MAF: variants seen among roughly 807,000 people sequenced by gnomAD.
The protein encoded by MAF is transcription factor Maf.
A neutral mutation model predicts 22.0 loss-of-function variants in MAF; 10 were observed. The ratio of observed to expected loss-of-function variants is 0.45; its 90% CI spans 0.28 to 0.77. The LOEUF is 0.77. Among genes scored for constraint, MAF ranks in the 30% least tolerant of loss-of-function variants. MAF has a pLI of 0.12. For missense variants in MAF, 544 were observed against 548.4 expected (o/e 0.99, Z 0.08); for synonymous variants, 337 against 255.8 (o/e 1.32, Z -3.03).
At chr16:79,430,794 T>C in the MAF span, among the ~76,000 whole-genome samples, 28 of 152,320 alleles carry the variant, frequency 1.8e-4, no homozygotes, top group African/African-American at 7.2e-5. Context: ...CTGTCTGCCT[T>C]TTACACGCAT....
At chr16:79,235,238 G>C in the MAF span, among the ~76,000 whole-genome samples, 5 of 152,068 alleles carry the variant, frequency 3.3e-5, no homozygotes, top group East Asian at 9.7e-4. Context: ...CATTTCACTT[G>C]CTGTAGAGGA....
chr16:79,242,390 A>T, the MAF span, among the ~76,000 whole-genome samples: 1 of 151,816 alleles, frequency 6.6e-6, no homozygotes, highest in Non-Finnish European at 1.5e-5. Context: ...AAAAAAAAGC[A>T]GGGGTTGCAA....
At chr16:79,399,619 G>C in the MAF span, among the ~76,000 whole-genome samples, 9 of 152,148 alleles carry the variant, frequency 5.9e-5, no homozygotes, top group Non-Finnish European at 1.3e-4. Context: ...CCAGGGAGGG[G>C]TGTTTTTGAG....
chr16:79,420,940 A>G, the MAF span, among the ~76,000 whole-genome samples: 1 of 152,082 alleles, frequency 6.6e-6, no homozygotes, highest in African/African-American at 2.4e-5. Context: ...AGGCTGAGAC[A>G]GGAGAATCGC....
At chr16:79,223,432 C>G in the MAF span, among the ~76,000 whole-genome samples, 1 of 152,134 alleles carries the variant, frequency 6.6e-6, no homozygotes, top group African/African-American at 2.4e-5. Context: ...AATCGACACT[C>G]TAACATCACA....
chr16:79,557,674 C>T, the MAF span, among the ~76,000 whole-genome samples: 272 of 152,172 alleles, frequency 1.8e-3, 3 homozygotes, highest in African/African-American at 5.9e-3. Context: ...CATACCTAAA[C>T]ATGATTAACC....
At chr16:79,326,240 A>G in the MAF span, among the ~76,000 whole-genome samples, 1 of 152,208 alleles carries the variant, frequency 6.6e-6, no homozygotes, top group Non-Finnish European at 1.5e-5. Context: ...TAATAACAGT[A>G]TCAACCTCAT....
At chr16:79,579,736 T>C in the MAF span, among the ~76,000 whole-genome samples, 1 of 152,162 alleles carries the variant, frequency 6.6e-6, no homozygotes, top group Non-Finnish European at 1.5e-5. Flanking sequence ...CACAATGAAA[T>C]CACACACTAG....
At chr16:79,368,675 C>A in the MAF span, among the ~76,000 whole-genome samples, 1 of 152,180 alleles carries the variant, frequency 6.6e-6, no homozygotes, top group Non-Finnish European at 1.5e-5. Flanking sequence ...GTCTCCTTCA[C>A]TCTGCTCACT....
the MAF span, among the ~76,000 whole-genome samples, chr16:79,525,761 A>T: frequency 9.2e-5 from 14 of 152,280 alleles, no homozygotes; most frequent in South Asian, 2.7e-3. Flanking sequence ...TTCTAGGAAA[A>T]TTTAACGTAT....
chr16:79,277,674 T>C, the MAF span, among the ~76,000 whole-genome samples: 1 of 152,240 alleles, frequency 6.6e-6, no homozygotes, highest in Non-Finnish European at 1.5e-5. Context: ...CTAGTCAAAC[T>C]ATCCCTTCCT....
downstream of MAF, among the ~76,000 whole-genome samples, chr16:79,590,250 G>C (rs531446181): frequency 1.3e-5 from 2 of 152,274 alleles, no homozygotes; most frequent in East Asian, 1.9e-4. Context: ...GTTGTTCTTA[G>C]AAAATGGGAG....
At chr16:79,367,031 T>A in the MAF span, among the ~76,000 whole-genome samples, 1 of 152,342 alleles carries the variant, frequency 6.6e-6, no homozygotes, top group South Asian at 2.1e-4. Context: ...ACTCAAGGTT[T>A]TTTTTTCCTT....
the MAF span, among the ~76,000 whole-genome samples, chr16:79,326,008 T>A: frequency 6.6e-6 from 1 of 152,246 alleles, no homozygotes; most frequent in East Asian, 1.9e-4. Flanking sequence ...ATCTTGCTTC[T>A]GACAACCAGG....
chr16:79,273,375 T>C, the MAF span, among the ~76,000 whole-genome samples: 15 of 152,366 alleles, frequency 9.8e-5, no homozygotes, highest in African/African-American at 3.6e-4. Flanking sequence ...TGTGAACCTA[T>C]GCTCCCTTTT....
At chr16:79,337,186 C>G in the MAF span, among the ~76,000 whole-genome samples, 1 of 152,174 alleles carries the variant, frequency 6.6e-6, no homozygotes, top group African/African-American at 2.4e-5. Context: ...ATTCATGTTT[C>G]TAAGTTTGTG....
At chr16:79,483,491 C>A in the MAF span, among the ~76,000 whole-genome samples, 9 of 151,046 alleles carry the variant, frequency 6.0e-5, no homozygotes, top group South Asian at 2.1e-4. Flanking sequence ...GGAGGGGAAG[C>A]AATGTTAAAT....
chr16:79,573,027 G>T, the MAF span, among the ~76,000 whole-genome samples: 1 of 152,130 alleles, frequency 6.6e-6, no homozygotes, highest in Non-Finnish European at 1.5e-5. Context: ...TGTGAGGAAG[G>T]TTGAACATTG....
the MAF span, among the ~76,000 whole-genome samples, chr16:79,307,410 C>T: frequency 1.3e-5 from 2 of 152,226 alleles, no homozygotes; most frequent in Non-Finnish European, 2.9e-5. Context: ...ACGGGCTGGA[C>T]TTCTGCTTTC....
Sources: gnomAD v4.1 joint callset for allele counts (sites outside exome capture counted in the v4.1 genomes callset) on GRCh38, gnomAD v4.1.1 for gene constraint, MANE v1.5 for transcripts, NCBI Gene and HGNC (gene_info 2026-07-23, HGNC 2026-07-21) for gene names.